Variants in RARA observed in about 807,000 individuals in gnomAD.
The protein encoded by RARA is retinoic acid receptor alpha, also known as PML-DDX5-RARA fusion.
A neutral mutation model predicts 42.8 loss-of-function variants in RARA; 5 were observed. That is an observed-to-expected ratio of 0.12 (90% confidence interval 0.06 to 0.25). RARA has a LOEUF of 0.25. Ranked by LOEUF, RARA falls within the 10% of genes least tolerant of loss-of-function variation. RARA has a pLI of 1.00. For synonymous variants in RARA, 256 were observed against 259.5 expected, an observed-to-expected ratio of 0.99 and a Z score of 0.13; for missense variants, 402 against 628.7, an observed-to-expected ratio of 0.64 and a Z score of 3.86.
rs1457529009 is a variant in RARA at position 40,352,792 on chromosome 17, G to A, written c.807+285G>A. 6.6e-6 allele frequency among the ~76,000 whole-genome samples: 1 copy of A among 152,144 alleles called. No individual in the cohort carries two copies. Among genetic ancestry groups the A allele is most frequent in the Non-Finnish European group, 1.5e-5 (1 of 68,020 alleles). On this transcript the variant is annotated intron_variant, in intron 6 of 8. Transcript: ENST00000254066. This position sits in a 1 kb window ranked among gnomAD's most constrained non-coding sequence, Gnocchi z 4.9. Reference sequence around the variant, plus strand: ...TAGCCAGTAATAAAGATTCACGTAGGAGCCAGGTGCAGTGGCTCATACCTG... The same window carrying A: ...TAGCCAGTAATAAAGATTCACGTAGAAGCCAGGTGCAGTGGCTCATACCTG...
rs2033892770 is a variant in RARA at position 40,337,581 on chromosome 17, C to T, written c.178+6185C>T. 3.9e-5 allele frequency among the ~76,000 whole-genome samples: 6 copies of T among 152,180 alleles called. No homozygotes were observed. In the South Asian group the frequency reaches 1.2e-3, roughly 32 times the overall value. ...GGGCACCCTCCCCCCGATCTCCAGACACTGAAGGAACAGAATGTAAAAGCC... is the reference window on the plus strand; with the variant it reads ...GGGCACCCTCCCCCCGATCTCCAGATACTGAAGGAACAGAATGTAAAAGCC... On this transcript the variant is annotated intron_variant, in intron 2 of 8. Transcript: ENST00000254066.
intron 1 of RARA, chr17:40,323,015 T>A (rs80181302): frequency 6.6e-6 from 1 of 152,364 alleles, no homozygotes; most frequent in East Asian, 1.9e-4. Flanking sequence ...TGGTGATGTC[T>A]GCCGTGGGCA....
rs1314094552 is a variant in RARA, at chr17:40,354,298, C to T, written c.808-4C>T. ...CCCTGAACCCAAGCATCCTCTGCAC[C>T]CAGATCCTGCGGATCTGCACGCGGT... On this transcript the variant is annotated splice_region_variant and splice_polypyrimidine_tract_variant and intron_variant, in intron 6 of 8. Transcript: ENST00000254066. The surrounding 1 kb of genome is among the most constrained non-coding windows in gnomAD (Gnocchi z 4.5). The T allele has an allele frequency of 6.2e-7, 1 of 1,613,580 alleles. No individual in the cohort carries two copies. Among genetic ancestry groups the T allele is most frequent in the African/African-American group, 1.3e-5 (1 of 74,872 alleles).
At chr17:40,321,747 C>T (rs113307437) in intron 1 of RARA, among the ~76,000 whole-genome samples, 9 of 152,344 alleles carry the variant, frequency 5.9e-5, no homozygotes, top group African/African-American at 2.2e-4. Flanking sequence ...TGTTGCCAAC[C>T]CCAGCCCTAT....
At chr17:40,329,132 T>C (rs2033623049) in intron 1 of RARA, among the ~76,000 whole-genome samples, 2 of 141,492 alleles carry the variant, frequency 1.4e-5, no homozygotes, top group African/African-American at 3.1e-5. Flanking sequence ...TGGTATCTCA[T>C]TGTGCTTTTT....
chr17:40,351,906 A>C lies in RARA; in HGVS notation c.470-4A>C. ...GCCCTCTTAACCCCCTCTGCCCTCCACAGCTGTGAGAAACGACCGAAACAA... is the reference window on the plus strand; with the variant it reads ...GCCCTCTTAACCCCCTCTGCCCTCCCCAGCTGTGAGAAACGACCGAAACAA... On this transcript the variant is annotated splice_polypyrimidine_tract_variant and splice_region_variant and intron_variant, in intron 4 of 8. Coordinates refer to ENST00000254066, the MANE Select transcript of RARA (RefSeq NM_000964.4). The surrounding 1 kb of genome is among the most constrained non-coding windows in gnomAD (Gnocchi z 4.1). The C allele has an allele frequency of 6.2e-7, 1 of 1,611,324 alleles. No individual in the cohort carries two copies. Among genetic ancestry groups the C allele is most frequent in the Non-Finnish European group, 8.5e-7 (1 of 1,179,204 alleles).
chr17:40,318,121 A>C (rs896414357), intron 1 of RARA, among the ~76,000 whole-genome samples: 4 of 152,124 alleles, frequency 2.6e-5, no homozygotes, highest in Admixed American at 2.0e-4. Context: ...TCTATTAAGG[A>C]GAGGCGGGGG....
At chr17:40,348,237 G>T in intron 2 of RARA, 79 bp from the exon 3 acceptor site, 1 of 1,455,172 alleles carries the variant, frequency 6.9e-7, no homozygotes, top group Non-Finnish European at 9.1e-7. Context: ...TCTTAGGAGG[G>T]ACGGTGAGGC....
intron 2 of RARA, among the ~76,000 whole-genome samples, chr17:40,346,497 C>A (rs888188378): frequency 6.6e-6 from 1 of 151,554 alleles, no homozygotes; most frequent in Admixed American, 6.6e-5. Context: ...TCCACATACC[C>A]CCTTGCCCTT....
Position 40,355,240 on chromosome 17 carries a change from AG to A in RARA, c.1013-18del. On this transcript the variant is annotated intron_variant, in intron 7 of 8. Coordinates refer to ENST00000254066, the MANE Select transcript of RARA (RefSeq NM_000964.4). The surrounding 1 kb of genome is among the most constrained non-coding windows in gnomAD (Gnocchi z 4.1). ...GGTGCAGCTGTGTTCCCAGCTGCTC[AG>A]GGGGTGGTTCTGCTTCCTCAGACCG... 1.3e-6 allele frequency: 2 copies of A among 1,550,338 alleles called. No individual in the cohort carries two copies. Among genetic ancestry groups the A allele is most frequent in the Non-Finnish European group, 1.7e-6 (2 of 1,145,778 alleles).
intron 1 of RARA, among the ~76,000 whole-genome samples, chr17:40,311,770 G>A (rs1358899438): frequency 6.6e-6 from 1 of 152,146 alleles, no homozygotes; most frequent in Admixed American, 6.5e-5. Flanking sequence ...TTTGTGGGGA[G>A]GGCCTTCCCC....
intron 1 of RARA, among the ~76,000 whole-genome samples, chr17:40,324,671 C>G (rs948237879): frequency 1.8e-4 from 28 of 152,134 alleles, no homozygotes; most frequent in Non-Finnish European, 5.9e-5. Flanking sequence ...GAGTGGAGTA[C>G]AAGCTGTGGA....
chr17:40,349,929 A>G lies in RARA; in HGVS notation c.469+4A>G. On this transcript the variant is annotated splice_donor_region_variant and intron_variant, in intron 4 of 8. Coordinates refer to ENST00000254066, the MANE Select transcript of RARA (RefSeq NM_000964.4). ...GAAGTGGGCATGTCCAAGGAGTGTG[A>G]GTGCCATAGGGCAGGGGCCGAGTCC... The G allele has an allele frequency of 6.2e-7, 1 of 1,614,006 alleles. No homozygotes were observed. Among genetic ancestry groups the G allele is most frequent in the Non-Finnish European group, 8.5e-7 (1 of 1,179,850 alleles).
chr17:40,341,375 C>T (rs1400206671), intron 2 of RARA: 1 of 1,448,400 alleles, frequency 6.9e-7, no homozygotes. Context: ...CGGGTTCCGG[C>T]GGCCGGAGTC....
At chr17:40,347,178 T>G (rs1009108649) in intron 2 of RARA, among the ~76,000 whole-genome samples, 1 of 152,112 alleles carries the variant, frequency 6.6e-6, no homozygotes, top group Admixed American at 6.5e-5. Context: ...GAGTTTGGGG[T>G]AGGGCTAGGT....
chr17:40,353,705 G>A (rs1382904651), intron 6 of RARA, among the ~76,000 whole-genome samples: 2 of 152,174 alleles, frequency 1.3e-5, no homozygotes, highest in Admixed American at 6.5e-5. Context: ...ATCCTCCCGC[G>A]TGAGCCGGCA....
intron 1 of RARA, among the ~76,000 whole-genome samples, chr17:40,311,982 G>GT (rs1243124878): frequency 1.1e-4 from 16 of 152,146 alleles, no homozygotes; most frequent in East Asian, 7.7e-4. Flanking sequence ...TCATTTTTTA[G>GT]TTTTTTTCCC....
intron 1 of RARA, among the ~76,000 whole-genome samples, chr17:40,315,165 T>TACACACAC (rs1567743130): frequency 1.2e-4 from 15 of 121,424 alleles, no homozygotes; most frequent in African/African-American, 4.0e-4. Context: ...TATATATATA[T>TACACACAC]ATATATACAC....
In RARA at chr17:40,355,256, T is replaced by G. The variant is rs1351025663; in HGVS notation, c.1013-7T>G. The G allele has an allele frequency of 3.0e-5, 47 of 1,562,152 alleles. No individual in the cohort carries two copies. The highest frequency in any genetic ancestry group is 4.0e-5 in the Non-Finnish European group (46 of 1,152,624). On this transcript the variant is annotated splice_region_variant and splice_polypyrimidine_tract_variant and intron_variant, in intron 7 of 8. Coordinates refer to ENST00000254066, the MANE Select transcript of RARA (RefSeq NM_000964.4). This position sits in a 1 kb window ranked among gnomAD's most constrained non-coding sequence, Gnocchi z 4.1. The stretch of plus-strand genomic sequence containing the variant: ...CAGCTGCTCAGGGGGTGGTTCTGCT[T>G]CCTCAGACCGCCAGGACCTGGAGCA...
Sources: gnomAD v4.1 joint callset for allele counts (sites outside exome capture counted in the v4.1 genomes callset) on GRCh38, gnomAD v4.1.1 for gene constraint, Gnocchi (gnomAD v3.1) non-coding constraint, MANE v1.5 for transcripts, NCBI Gene and HGNC (gene_info 2026-07-23, HGNC 2026-07-21) for gene names.